The following CENPW variants were observed in gnomAD, a reference collection of about 807,000 sequenced individuals.
CENPW encodes the protein centromere protein W.
A neutral mutation model predicts 11.1 loss-of-function variants in CENPW; 3 were observed. The ratio of observed to expected loss-of-function variants is 0.27; its 90% CI spans 0.12 to 0.70. CENPW has a LOEUF of 0.70. Ranked by LOEUF, CENPW falls within the 30% of genes least tolerant of loss-of-function variation. The probability of loss-of-function intolerance (pLI) is 0.77; values close to 1 mark genes in which losing one functional copy is unlikely to be tolerated. For synonymous variants in CENPW, 38 were observed against 42.0 expected (o/e 0.91, Z 0.37); for missense variants, 100 against 105.6 (o/e 0.95, Z 0.23).
At chr6:126,343,383 C>A (rs1184918902) in intron 1 of CENPW, among the ~76,000 whole-genome samples, 3 of 152,138 alleles carry the variant, frequency 2.0e-5, no homozygotes, top group South Asian at 4.1e-4. Context: ...TAATTTGTCT[C>A]AGTATCTGTA....
At chr6:126,346,686 CAA>C (rs1193194951) in intron 2 of CENPW, among the ~76,000 whole-genome samples, 2 of 151,986 alleles carry the variant, frequency 1.3e-5, no homozygotes, top group Non-Finnish European at 1.5e-5. Flanking sequence ...AAGAAATACC[CAA>C]GACTGGGTTA....
At chr6:126,360,761 G>A in the CENPW span, among the ~76,000 whole-genome samples, 1 of 151,542 alleles carries the variant, frequency 6.6e-6, no homozygotes, top group Non-Finnish European at 1.5e-5. Context: ...TGAATTTTTA[G>A]TTCCAGAAGG....
chr6:126,352,788 T>G (rs1266936085), downstream of CENPW, among the ~76,000 whole-genome samples: 4 of 152,140 alleles, frequency 2.6e-5, no homozygotes, highest in Non-Finnish European at 5.9e-5. Flanking sequence ...CTGCTACATT[T>G]GGTTTCTATT....
the CENPW span, among the ~76,000 whole-genome samples, chr6:126,365,115 T>G: frequency 2.0e-5 from 3 of 152,174 alleles, no homozygotes; most frequent in Non-Finnish European, 4.4e-5. Context: ...TTCTTAATTT[T>G]GGGGTAGAAG....
At chr6:126,455,254 G>A in the CENPW span, among the ~76,000 whole-genome samples, 9 of 151,116 alleles carry the variant, frequency 6.0e-5, no homozygotes, top group South Asian at 1.9e-3. Context: ...ACCTGGCAGA[G>A]ACATAAAAAA....
chr6:126,460,157 T>A, the CENPW span, among the ~76,000 whole-genome samples: 1 of 151,658 alleles, frequency 6.6e-6, no homozygotes, highest in African/African-American at 2.4e-5. Context: ...TCTCTAAGCC[T>A]GCAAGCACAT....
At chr6:126,476,794 G>A in the CENPW span, among the ~76,000 whole-genome samples, 1 of 151,876 alleles carries the variant, frequency 6.6e-6, no homozygotes, top group Non-Finnish European at 1.5e-5. Flanking sequence ...GAGGTTGATT[G>A]TAGCTGTCCT....
intron 1 of CENPW, among the ~76,000 whole-genome samples, chr6:126,340,612 A>C (rs907692938): frequency 3.3e-5 from 5 of 152,166 alleles, no homozygotes; most frequent in Non-Finnish European, 5.9e-5. Flanking sequence ...CCGAAAAGTA[A>C]ATATCTGGAT....
At chr6:126,432,545 T>G in the CENPW span, among the ~76,000 whole-genome samples, 3 of 152,186 alleles carry the variant, frequency 2.0e-5, no homozygotes, top group Admixed American at 2.0e-4. Context: ...AACTCAGATA[T>G]CAGGTTGAGT....
At chr6:126,416,446 C>G in the CENPW span, among the ~76,000 whole-genome samples, 1 of 152,126 alleles carries the variant, frequency 6.6e-6, no homozygotes, top group Non-Finnish European at 1.5e-5. Flanking sequence ...GCGTAATTAA[C>G]GAGCCAAATG....
chr6:126,435,389 A>G, the CENPW span, among the ~76,000 whole-genome samples: 5 of 151,764 alleles, frequency 3.3e-5, no homozygotes, highest in African/African-American at 1.2e-4. Flanking sequence ...ACTTTTTTCT[A>G]TTAAAAGGTT....
the CENPW span, among the ~76,000 whole-genome samples, chr6:126,374,001 T>C: frequency 1.3e-5 from 2 of 152,122 alleles, no homozygotes; most frequent in Non-Finnish European, 2.9e-5. Flanking sequence ...TAGAGAATTA[T>C]CTCAATTTGG....
chr6:126,346,202 A>G lies in CENPW; in HGVS notation c.127-3A>G. The G allele has an allele frequency of 6.5e-7, 1 of 1,541,034 alleles. No homozygotes were observed. The highest frequency in any genetic ancestry group is 1.2e-5 in the South Asian group (1 of 81,122). ...AAATCCACTTGGATTTTCTGTTTTA[A>G]AGGTCCATCTGAACTGTTTACTGTT... On this transcript the variant is annotated splice_polypyrimidine_tract_variant and splice_region_variant and intron_variant, in intron 1 of 2. Transcript: ENST00000368328.
the CENPW span, among the ~76,000 whole-genome samples, chr6:126,444,289 A>C: frequency 6.6e-6 from 1 of 150,886 alleles, no homozygotes; most frequent in African/African-American, 2.4e-5. Context: ...CTATTGCTGT[A>C]GGTGTCTTCT....
At chr6:126,364,302 C>T in the CENPW span, among the ~76,000 whole-genome samples, 1 of 152,150 alleles carries the variant, frequency 6.6e-6, no homozygotes, top group Non-Finnish European at 1.5e-5. Context: ...TTCAAAGGAA[C>T]AGAAACCTGT....
At chr6:126,422,519 G>A in the CENPW span, among the ~76,000 whole-genome samples, 1 of 151,950 alleles carries the variant, frequency 6.6e-6, no homozygotes, top group Admixed American at 6.6e-5. Context: ...CTTGTTATAA[G>A]GACCCAAACT....
At chr6:126,452,273 T>G in the CENPW span, among the ~76,000 whole-genome samples, 1 of 151,136 alleles carries the variant, frequency 6.6e-6, no homozygotes, top group African/African-American at 2.4e-5. Context: ...TCAACTTGCA[T>G]AGAGAAGAAC....
chr6:126,389,346 C>T, the CENPW span, among the ~76,000 whole-genome samples: 1 of 151,782 alleles, frequency 6.6e-6, no homozygotes, highest in Admixed American at 6.6e-5. Context: ...TAATAGGAAA[C>T]GTTTCCAAAG....
At chr6:126,420,923 T>C in the CENPW span, among the ~76,000 whole-genome samples, 1 of 152,130 alleles carries the variant, frequency 6.6e-6, no homozygotes, top group African/African-American at 2.4e-5. Context: ...GGAAAATAAT[T>C]TAGGAACTTA....
Sources: gnomAD v4.1 joint callset for allele counts (sites outside exome capture counted in the v4.1 genomes callset) on GRCh38, gnomAD v4.1.1 for gene constraint, MANE v1.5 for transcripts, NCBI Gene and HGNC (gene_info 2026-07-23, HGNC 2026-07-21) for gene names.